Variants in AMOTL1 observed in about 807,000 individuals in gnomAD.
AMOTL1 encodes angiomotin like 1.
A neutral mutation model predicts 102.9 loss-of-function variants in AMOTL1; 45 were observed. That is an observed-to-expected ratio of 0.44 (90% CI 0.34 to 0.56). The LOEUF (loss-of-function observed/expected upper bound fraction) is 0.56. Among genes scored for constraint, AMOTL1 ranks in the 20% least tolerant of loss-of-function variants. The pLI, the probability that AMOTL1 is intolerant of heterozygous loss-of-function variation, is 0.01. For missense variants in AMOTL1, 1,114 were observed against 1,225.6 expected (o/e 0.91, Z 1.36); for synonymous variants, 481 against 484.7 (o/e 0.99, Z 0.10).
At chr11:94,749,707 A>G (rs1029896447) in intron 3 of AMOTL1, among the ~76,000 whole-genome samples, 1 of 152,176 alleles carries the variant, frequency 6.6e-6, no homozygotes, top group Non-Finnish European at 1.5e-5. Flanking sequence ...GACTGATACA[A>G]TGGGGATAAT....
chr11:94,869,389 C>T lies in AMOTL1; in HGVS notation c.2680C>T (p.Pro894Ser), dbSNP rs1442011767. 6.8e-6 allele frequency: 11 copies of T among 1,606,840 alleles called. No individual in the cohort carries two copies. The highest frequency in any genetic ancestry group is 1.1e-5 in the South Asian group (1 of 89,578). Residue 894 changes from proline (P) to serine (S), a missense_variant, in exon 12 of 13, where the codon CCC (proline) becomes TCC (serine). Physicochemically the swap from Pro to Ser is moderately conservative, Grantham distance 74. Transcript: ENST00000433060. ...CTTCTGGCCCAGCATGGCCTCCCTT[C>T]CCAGCCGCGGCCGGCTGAGCACGAC... ...ELFWPSMASL[P>S]SRGRLSTTPA...
At chr11:94,800,444 C>A (rs923862759) in intron 3 of AMOTL1, 133 bp downstream of exon 3, 5 of 1,003,026 alleles carry the variant, frequency 5.0e-6, no homozygotes, top group African/African-American at 4.8e-5. Context: ...TTTAATAAAC[C>A]ACTTTGTGGC....
intron 8 of AMOTL1, 146 bp downstream of exon 8, chr11:94,854,228 A>G (rs1381537286): frequency 2.5e-5 from 27 of 1,090,758 alleles, no homozygotes; most frequent in Non-Finnish European, 3.3e-5. Context: ...AACCCATACA[A>G]CAACCAGGAG....
At chr11:94,810,815 G>T (rs1464207039) in intron 3 of AMOTL1, among the ~76,000 whole-genome samples, 1 of 137,236 alleles carries the variant, frequency 7.3e-6, no homozygotes, top group Non-Finnish European at 1.5e-5. Context: ...AAAGATCCTA[G>T]GAGAGAAAAA....
intron 1 of AMOTL1, among the ~76,000 whole-genome samples, chr11:94,716,852 G>C (rs923339296): frequency 3.3e-5 from 5 of 152,110 alleles, no homozygotes; most frequent in Admixed American, 2.0e-4. Context: ...AGCATGTGTG[G>C]GGTGGGGAAT....
intron 1 of AMOTL1, among the ~76,000 whole-genome samples, chr11:94,785,813 A>T (rs1951178613): frequency 6.6e-6 from 1 of 152,194 alleles, no homozygotes; most frequent in Admixed American, 6.5e-5. Context: ...GCATAATTAT[A>T]CAGACATATT....
chr11:94,822,254 C>T (rs973473234), intron 4 of AMOTL1, among the ~76,000 whole-genome samples: 1 of 152,146 alleles, frequency 6.6e-6, no homozygotes, highest in Non-Finnish European at 1.5e-5. Flanking sequence ...TTGAGACCAG[C>T]CTGGGCAACA....
chr11:94,773,658 C>CT (rs1461695672), intron 1 of AMOTL1, among the ~76,000 whole-genome samples: 1 of 152,166 alleles, frequency 6.6e-6, no homozygotes, highest in Non-Finnish European at 1.5e-5. Flanking sequence ...AATTGGTTTG[C>CT]TTTTGATCCA....
chr11:94,866,408 A>G (rs1952884519), intron 11 of AMOTL1: 1 of 536,596 alleles, frequency 1.9e-6, no homozygotes, highest in African/African-American at 1.9e-5. Context: ...AGAATTATCT[A>G]TTATTGTTGT....
chr11:94,864,721 C>T lies in AMOTL1; in HGVS notation c.2136-14C>T. On this transcript the variant is annotated splice_polypyrimidine_tract_variant and intron_variant, in intron 9 of 12. Transcript: ENST00000433060. ...AGGTTTCCTATGATCAAACGCATAT[C>T]CTTGTGTTGCCAGGGACACCACGAT... The T allele has an allele frequency of 6.2e-7, 1 of 1,611,700 alleles. No individual in the cohort carries two copies. Among genetic ancestry groups the T allele is most frequent in the Admixed American group, 1.7e-5 (1 of 59,904 alleles).
intron 2 of AMOTL1, chr11:94,740,930 T>G (rs1049943131): frequency 1.2e-5 from 15 of 1,288,732 alleles, no homozygotes; most frequent in Middle Eastern, 2.1e-4. Flanking sequence ...GCTTTTCTTC[T>G]CCCCCAGACA....
In AMOTL1 at chr11:94,835,974, G is replaced by C. The variant is rs79008903; in HGVS notation, c.1648+4433G>C. Among the ~76,000 whole-genome samples the C allele has an allele frequency of 1.3e-3, 203 of 152,276 alleles. 1 individual carries two copies. The highest frequency in any genetic ancestry group is 4.6e-3 in the African/African-American group (191 of 41,550). The stretch of plus-strand genomic sequence containing the variant: ...ATTGTTTTAAAAATAATAATTTGCT[G>C]TTTTCAATGTAGCTGGCTGGCAATC... On this transcript the variant is annotated intron_variant, in intron 6 of 12. Coordinates refer to ENST00000433060, the MANE Select transcript of AMOTL1 (RefSeq NM_130847.3).
At chr11:94,786,322 C>T (rs529929429) in intron 1 of AMOTL1, among the ~76,000 whole-genome samples, 3 of 152,292 alleles carry the variant, frequency 2.0e-5, no homozygotes, top group African/African-American at 7.2e-5. Flanking sequence ...TGCATTCTCA[C>T]GGTGACTCTG....
intron 3 of AMOTL1, among the ~76,000 whole-genome samples, chr11:94,806,645 C>T (rs889565962): frequency 1.3e-5 from 2 of 152,100 alleles, no homozygotes; most frequent in Admixed American, 6.5e-5. Context: ...AATAAAATGC[C>T]CTGTGTGTCC....
In AMOTL1 at chr11:94,799,802, G is replaced by GCAGCAGCAGCAA. The variant is rs2135572418; in HGVS notation, c.622_633dup (p.Gln208_Gln211dup). 6.3e-6 allele frequency: 10 copies of GCAGCAGCAGCAA among 1,599,492 alleles called. No individual in the cohort carries two copies. Among genetic ancestry groups the GCAGCAGCAGCAA allele is most frequent in the Non-Finnish European group, 8.5e-6 (10 of 1,172,190 alleles). ...CACAGTCGCAGTTCTTCAGGGGGCA[G>GCAGCAGCAGCAA]CAGCAGCAGCAACAGCAGCAGGGGG... On this transcript the variant is annotated inframe_insertion, in exon 3 of 13. Coordinates refer to ENST00000433060, the MANE Select transcript of AMOTL1 (RefSeq NM_130847.3). This position sits in a 1 kb window ranked among gnomAD's most constrained non-coding sequence, Gnocchi z 4.5.
intron 2 of AMOTL1, among the ~76,000 whole-genome samples, chr11:94,734,639 G>A (rs562688506): frequency 6.6e-6 from 1 of 152,156 alleles, no homozygotes; most frequent in Non-Finnish European, 1.5e-5. Context: ...CTCTAAATCA[G>A]TCCTGCCCAT....
Position 94,813,342 on chromosome 11 carries a change from C to T in AMOTL1, c.1122-8188C>T, listed in dbSNP as rs530427978. Among the ~76,000 whole-genome samples the T allele has an allele frequency of 2.0e-5, 3 of 152,202 alleles. No individual in the cohort carries two copies. The East Asian group carries it at 5.8e-4, about 29-fold the overall frequency. ...TTGCTTGGTAACTGAACTCAAGACACTCCATCTGGGCTCAGGATGTGTTTC... is the reference window on the plus strand; with the variant it reads ...TTGCTTGGTAACTGAACTCAAGACATTCCATCTGGGCTCAGGATGTGTTTC... On this transcript the variant is annotated intron_variant, in intron 3 of 12. Transcript: ENST00000433060.
At chr11:94,803,816 AC>A (rs754204261) in intron 3 of AMOTL1, among the ~76,000 whole-genome samples, 1 of 152,240 alleles carries the variant, frequency 6.6e-6, no homozygotes, top group Non-Finnish European at 1.5e-5. Flanking sequence ...ATATTTCAAA[AC>A]ATTTGGGAAC....
chr11:94,793,479 G>T (rs1210719727), intron 1 of AMOTL1, among the ~76,000 whole-genome samples: 1 of 152,164 alleles, frequency 6.6e-6, no homozygotes, highest in African/African-American at 2.4e-5. Context: ...TGGTTCCTGG[G>T]TACAGAGATT....
Sources: gnomAD v4.1 joint callset for allele counts (sites outside exome capture counted in the v4.1 genomes callset) on GRCh38, gnomAD v4.1.1 for gene constraint, Gnocchi (gnomAD v3.1) non-coding constraint, MANE v1.5 for transcripts, NCBI Gene and HGNC (gene_info 2026-07-23, HGNC 2026-07-21) for gene names.